The following AATK variants were observed in gnomAD, a reference collection of about 807,000 sequenced individuals.
The protein encoded by AATK is serine/threonine-protein kinase LMTK1.
In AATK, 91 loss-of-function variants were observed where a neutral mutation model predicts 114.3. That is an observed-to-expected ratio of 0.80 (90% CI 0.67 to 0.95). AATK has a LOEUF of 0.95. AATK is among the 40% of genes least tolerant of loss of function. The pLI is 0.00. For synonymous variants in AATK, 1,075 were observed against 916.5 expected (o/e 1.17, Z -3.12); for missense variants, 2,176 against 1,965.2 (o/e 1.11, Z -2.03).
rs925184792 is a variant in AATK, at chr17:81,122,091, C to A, written c.1845G>T (p.Gly615=). The A allele has an allele frequency of 6.3e-7, 1 of 1,579,358 alleles. No individual in the cohort carries two copies. Among genetic ancestry groups the A allele is most frequent in the African/African-American group, 1.3e-5 (1 of 74,622 alleles). The change falls in exon 11 of 14, where the codon GGG becomes GGT. Residue 615 remains glycine, a synonymous_variant. Transcript: ENST00000326724. ...CTCCTCCCTCCGCCAGACTCAGGGG[C>A]CCCGCCGAGGGCGAGGGAGAGCGTG... The part of the protein sequence containing the change: ...CPSRSPSPSA[G]PLSLAEGGAE...
chr17:81,124,377 G>T (rs992934220), intron 9 of AATK, among the ~76,000 whole-genome samples: 1 of 152,164 alleles, frequency 6.6e-6, no homozygotes, highest in African/African-American at 2.4e-5. Flanking sequence ...GGCACGGCCC[G>T]ACCTACGCTC....
intron 1 of AATK, among the ~76,000 whole-genome samples, chr17:81,156,196 T>C (rs201427690): frequency 6.1e-5 from 4 of 65,182 alleles, no homozygotes. Flanking sequence ...ATGTATGTTA[T>C]CATGTTACAA....
chr17:81,119,218 C>CGGGAAGGAGCGGGGCCGGGA (rs879474292), intron 13 of AATK, among the ~76,000 whole-genome samples, 162 bp downstream of exon 13: 5 of 145,918 alleles, frequency 3.4e-5, no homozygotes, highest in South Asian at 4.5e-4. Context: ...AGGCGGGGTC[C>CGGGAAGGAGCGGGGCCGGGA]AGGCTAGGTC....
chr17:81,139,213 C>A (rs2061085526), intron 1 of AATK, among the ~76,000 whole-genome samples: 1 of 152,230 alleles, frequency 6.6e-6, no homozygotes, highest in African/African-American at 2.4e-5. Context: ...GGTGGCCTGG[C>A]TCTGCCAGCT....
chr17:81,151,911 T>G (rs1443841080), intron 1 of AATK, among the ~76,000 whole-genome samples: 1 of 152,040 alleles, frequency 6.6e-6, no homozygotes, highest in Non-Finnish European at 1.5e-5. Context: ...AATACAAATC[T>G]CCCCACCAAA....
At chr17:81,155,926 C>CT (rs1240135404) in intron 1 of AATK, among the ~76,000 whole-genome samples, 1 of 150,284 alleles carries the variant, frequency 6.7e-6, no homozygotes, top group Non-Finnish European at 1.5e-5. Context: ...AAGCAATCCT[C>CT]TTGCCTCGGC....
At position 81,119,539 on chromosome 17, in the gene AATK, C is replaced by A; in HGVS notation, c.3925G>T (p.Ala1309Ser). ...AGGGCCATGGCGAAGGCTGCCTTGG[C>A]CGTCATCAGCGGGAAGTCGTCGTCC... The part of the protein sequence containing the change: ...AWDDDFPLMT[A>S]KAAFAMALDP... Residue 1309 changes from alanine to serine, a missense_variant, in exon 13 of 14, where the codon GCC becomes TCC. Ala to Ser is a moderately conservative substitution (Grantham distance 99, BLOSUM62 1). This residue lies in a region of AATK where 1,701 missense variants were observed against 1,394.7 expected (regional missense o/e 1.22). Coordinates refer to ENST00000326724, the MANE Select transcript of AATK (RefSeq NM_001080395.3). 6.3e-7 allele frequency: 1 copy of A among 1,579,408 alleles called. No individual in the cohort carries two copies. Among genetic ancestry groups the A allele is most frequent in the Non-Finnish European group, 8.6e-7 (1 of 1,165,330 alleles).
chr17:81,164,591 C>G lies in AATK; in HGVS notation c.55+1347G>C, dbSNP rs369397128. 3.2e-3 allele frequency among the ~76,000 whole-genome samples: 486 copies of G among 152,348 alleles called. 4 individuals carry two copies. The highest frequency in any genetic ancestry group is 0.011 in the African/African-American group (444 of 41,570). ...AGGCGGGGGAAAGGGCCTCTCATGGCCAAGGACAAGGCTGGGCCCCGAGGC... is the reference window on the plus strand; with the variant it reads ...AGGCGGGGGAAAGGGCCTCTCATGGGCAAGGACAAGGCTGGGCCCCGAGGC... On this transcript the variant is annotated intron_variant, in intron 1 of 13. Transcript: ENST00000326724.
chr17:81,145,234 CAAAAA>C (rs761538299), intron 1 of AATK, among the ~76,000 whole-genome samples: 1 of 121,130 alleles, frequency 8.3e-6, no homozygotes, highest in Non-Finnish European at 1.8e-5. Context: ...GAGACTCCAT[CAAAAA>C]AAAAAAAAAA....
chr17:81,154,238 T>C (rs568071424), intron 1 of AATK, among the ~76,000 whole-genome samples: 2 of 152,208 alleles, frequency 1.3e-5, no homozygotes, highest in South Asian at 4.1e-4. Context: ...AGGGACTGTC[T>C]CTGTGCAACT....
chr17:81,129,305 C>A (rs2060895360), intron 3 of AATK, among the ~76,000 whole-genome samples: 1 of 152,126 alleles, frequency 6.6e-6, no homozygotes. Flanking sequence ...GCGTGTGGGC[C>A]CACCGGGTGC....
Position 81,126,912 on chromosome 17 carries a change from G to A in AATK, c.622-352C>T, listed in dbSNP as rs1397665822. On this transcript the variant is annotated intron_variant, in intron 6 of 13. Coordinates refer to ENST00000326724, the MANE Select transcript of AATK (RefSeq NM_001080395.3). The surrounding 1 kb of genome is among the most constrained non-coding windows in gnomAD (Gnocchi z 5.1). ...GTTGGCCGGCAGCCCCTGACCTGCC[G>A]AAAGCCCAGCCCCGGGACGGTCAAC... 7 of 1,045,296 alleles carry A rather than the reference G, an allele frequency of 6.7e-6. No individual in the cohort carries two copies. Among genetic ancestry groups the A allele is most frequent in the Admixed American group, 4.4e-5 (1 of 22,644 alleles). 64.8% of individuals were successfully genotyped at this position (1,045,296 alleles called of 1,614,324 possible). A position where few individuals can be genotyped will look rare whatever the true frequency, so the allele number is the denominator to read the frequency against.
At chr17:81,141,081 G>T (rs1303473644) in intron 1 of AATK, among the ~76,000 whole-genome samples, 1 of 151,306 alleles carries the variant, frequency 6.6e-6, no homozygotes, top group African/African-American at 2.4e-5. Context: ...TAGGAGCCGT[G>T]GATGCAAGGG....
chr17:81,157,282 A>ACGGGCC (rs1375122313), intron 1 of AATK, among the ~76,000 whole-genome samples: 2 of 152,214 alleles, frequency 1.3e-5, no homozygotes, highest in Non-Finnish European at 2.9e-5. Context: ...GGCAAGGTCC[A>ACGGGCC]CGGGCCCGGG....
At position 81,122,038 on chromosome 17, in the gene AATK, G is replaced by A; in HGVS notation, c.1898C>T (p.Ala633Val). The A allele has an allele frequency of 1.3e-6, 2 of 1,598,842 alleles. No individual in the cohort carries two copies. The highest frequency in any genetic ancestry group is 8.5e-7 in the Non-Finnish European group (1 of 1,178,928). ...GAEDADWGVAAFCPAFFEDPL... is the reference protein window; with the variant it reads ...GAEDADWGVAVFCPAFFEDPL... ...GTCCTCGAAGAAGGCAGGACAGAAG[G>A]CGGCCACGCCCCAGTCTGCATCCTC... Residue 633 changes from alanine to valine, a missense_variant, in exon 11 of 14, where the codon GCC becomes GTC. Ala to Val is a moderately conservative substitution (Grantham distance 64). Around this residue, in one of 4 missense-constraint regions of AATK, gnomAD observed 1,701 missense variants for 1,394.7 expected, o/e 1.22. Transcript: ENST00000326724.
intron 10 of AATK, 109 bp downstream of exon 10, chr17:81,123,085 G>T: frequency 8.0e-7 from 1 of 1,252,378 alleles, no homozygotes; most frequent in Non-Finnish European, 1.0e-6. Context: ...GGGGAGGGGA[G>T]ACCAGGCAGG....
chr17:81,161,308 C>T (rs897685590), intron 1 of AATK, among the ~76,000 whole-genome samples: 10 of 152,252 alleles, frequency 6.6e-5, no homozygotes, highest in Non-Finnish European at 1.2e-4. Context: ...GCCTGCATCA[C>T]TCCAGCCTCT....
chr17:81,165,725 C>G (rs1450271827), intron 1 of AATK: 7 of 1,522,364 alleles, frequency 4.6e-6, no homozygotes, highest in South Asian at 3.6e-5. Context: ...ACGCGGGGGA[C>G]GCCAGCCCAC....
intron 7 of AATK, chr17:81,125,852 G>C (rs188410302): frequency 2.2e-6 from 1 of 463,824 alleles, no homozygotes; most frequent in South Asian, 1.6e-5. Context: ...GCTGGGGCCC[G>C]GCAGGCAGGT....
Sources: allele counts gnomAD v4.1 joint callset (sites outside exome capture counted in the v4.1 genomes callset), GRCh38; gene constraint gnomAD v4.1.1; regional missense constraint gnomAD v4.1.1; non-coding constraint Gnocchi (gnomAD v3.1); transcripts MANE v1.5; gene names NCBI Gene and HGNC (gene_info 2026-07-23, HGNC 2026-07-21).